The following FOXP1 variants were observed in gnomAD, a reference collection of about 807,000 sequenced individuals.
FOXP1 encodes forkhead box protein P1.
FOXP1 carries 15 observed loss-of-function variants against 98.2 expected under a neutral mutation model. The ratio of observed to expected loss-of-function variants is 0.15; its 90% CI spans 0.10 to 0.24. The LOEUF is 0.24. Ranked by LOEUF, FOXP1 falls within the 10% of genes least tolerant of loss-of-function variation. The pLI, the probability that FOXP1 is intolerant of heterozygous loss-of-function variation, is 1.00. For synonymous variants in FOXP1, 371 were observed against 314.5 expected, an observed-to-expected ratio of 1.18 and a Z score of -1.90; for missense variants, 633 against 848.5, an observed-to-expected ratio of 0.75 and a Z score of 3.15.
chr3:71,416,592 A>ACACG (rs2083242450), intron 3 of FOXP1, among the ~76,000 whole-genome samples: 1 of 144,458 alleles, frequency 6.9e-6, no homozygotes, highest in African/African-American at 2.6e-5. Context: ...ACACACACAC[A>ACACG]CGCAAAAAAA....
intron 3 of FOXP1, among the ~76,000 whole-genome samples, chr3:71,383,729 G>A (rs2080355343): frequency 6.6e-6 from 1 of 152,098 alleles, no homozygotes; most frequent in Non-Finnish European, 1.5e-5. Flanking sequence ...TGGAAGACCA[G>A]GCCCCCTTGA....
chr3:71,153,821 T>C (rs1437413311), intron 6 of FOXP1, among the ~76,000 whole-genome samples: 1 of 152,220 alleles, frequency 6.6e-6, no homozygotes, highest in African/African-American at 2.4e-5. Flanking sequence ...ATGGAATAAA[T>C]GACAGTAAAT....
intron 4 of FOXP1, among the ~76,000 whole-genome samples, chr3:71,313,032 G>A (rs1470738304): frequency 6.8e-6 from 1 of 148,012 alleles, no homozygotes; most frequent in East Asian, 2.0e-4. Flanking sequence ...TTGTACAATT[G>A]CACAATCACA....
At chr3:71,006,062 A>T (rs1427829063) in intron 12 of FOXP1, among the ~76,000 whole-genome samples, 1 of 152,104 alleles carries the variant, frequency 6.6e-6, no homozygotes, top group Non-Finnish European at 1.5e-5. Context: ...CGTGATTTGT[A>T]AAGGGCTGAA....
chr3:71,205,028 A>C (rs1470341263), intron 5 of FOXP1, among the ~76,000 whole-genome samples: 2 of 152,142 alleles, frequency 1.3e-5, no homozygotes, highest in Admixed American at 6.5e-5. Flanking sequence ...GAAAGGCGTA[A>C]ATTTTCTAAA....
chr3:71,481,023 T>A (rs2090232433), intron 3 of FOXP1, among the ~76,000 whole-genome samples: 1 of 152,158 alleles, frequency 6.6e-6, no homozygotes, highest in African/African-American at 2.4e-5. Context: ...TGTCTTTGAA[T>A]GTGCATGACA....
chr3:71,348,534 T>TGTGC (rs1553853198), intron 4 of FOXP1, among the ~76,000 whole-genome samples: 7 of 128,234 alleles, frequency 5.5e-5, no homozygotes, highest in East Asian at 2.3e-4. Context: ...TGTGTGTGTG[T>TGTGC]GTGTGTGTGT....
intron 20 of FOXP1, among the ~76,000 whole-genome samples, chr3:70,960,487 A>G (rs990992975): frequency 6.6e-6 from 1 of 152,250 alleles, no homozygotes; most frequent in Non-Finnish European, 1.5e-5. Context: ...TTCGTAAATC[A>G]TATTTACAAC....
At chr3:71,192,783 G>A (rs1331936475) in intron 6 of FOXP1, among the ~76,000 whole-genome samples, 1 of 152,070 alleles carries the variant, frequency 6.6e-6, no homozygotes, top group African/African-American at 2.4e-5. Flanking sequence ...ATGAGTAGCT[G>A]GGACCACAGG....
At chr3:71,526,835 C>T (rs1056790318) in intron 2 of FOXP1, among the ~76,000 whole-genome samples, 10 of 152,062 alleles carry the variant, frequency 6.6e-5, no homozygotes, top group African/African-American at 1.7e-4. Context: ...GGCGTGGTGG[C>T]GCATGCCTGT....
At chr3:71,527,333 T>C (rs1016366899) in intron 2 of FOXP1, among the ~76,000 whole-genome samples, 1 of 152,148 alleles carries the variant, frequency 6.6e-6, no homozygotes, top group African/African-American at 2.4e-5. Flanking sequence ...GAGTTCAAAA[T>C]CAAGACAGAC....
At chr3:71,218,828 T>C (rs921495640) in intron 5 of FOXP1, among the ~76,000 whole-genome samples, 5 of 152,186 alleles carry the variant, frequency 3.3e-5, no homozygotes, top group Non-Finnish European at 7.3e-5. Context: ...GTCCTTAACG[T>C]TTCTGTGGCT....
At chr3:71,018,841 G>T (rs1399336850) in intron 11 of FOXP1, among the ~76,000 whole-genome samples, 1 of 152,122 alleles carries the variant, frequency 6.6e-6, no homozygotes, top group Non-Finnish European at 1.5e-5. Flanking sequence ...CACATTGTAG[G>T]AACTGTTGCT....
rs375708486 is a variant in FOXP1 at position 71,579,274 on chromosome 3, T to C, written c.-298+2275A>G. ...CACAGTTTATACTCCACGATTTAAA[T>C]ATAAACACAAAATCTTAGACATCTC... is the stretch of plus-strand genomic sequence containing the variant. On this transcript the variant is annotated intron_variant, in intron 2 of 20. Transcript: ENST00000649528. 9.9e-5 allele frequency among the ~76,000 whole-genome samples: 15 copies of C among 152,276 alleles called. No homozygotes were observed. The East Asian group carries it at 2.3e-3, about 23-fold the overall frequency.
At chr3:71,024,247 T>G (rs1414094383) in intron 11 of FOXP1, among the ~76,000 whole-genome samples, 1 of 152,180 alleles carries the variant, frequency 6.6e-6, no homozygotes, top group East Asian at 1.9e-4. Flanking sequence ...AAAATGACCT[T>G]TCTCCTTCAA....
chr3:71,540,653 C>T (rs1437406809), intron 2 of FOXP1, among the ~76,000 whole-genome samples: 2 of 152,206 alleles, frequency 1.3e-5, no homozygotes, highest in Non-Finnish European at 1.5e-5. Flanking sequence ...AGAGCAGGGA[C>T]AACAGAGACC....
At chr3:70,991,246 A>G (rs574479261) in intron 13 of FOXP1, among the ~76,000 whole-genome samples, 79 of 152,236 alleles carry the variant, frequency 5.2e-4, no homozygotes, top group African/African-American at 1.9e-3. Flanking sequence ...CCCACTTCCT[A>G]TCAATTTGTC....
chr3:71,397,103 T>TGTGTATATATATATAC (rs2081579344), intron 3 of FOXP1, among the ~76,000 whole-genome samples: 2 of 70,748 alleles, frequency 2.8e-5, no homozygotes, highest in African/African-American at 9.4e-5. Flanking sequence ...TATATATACA[T>TGTGTATATATATATAC]ATATATATAT....
chr3:70,987,950 CTG>C, intron 14 of FOXP1, 42 bp downstream of exon 14: 1 of 1,569,866 alleles, frequency 6.4e-7, no homozygotes, highest in Non-Finnish European at 8.8e-7. Flanking sequence ...AAAAGGAATA[CTG>C]TGAGTTTTGT....
Sources: allele counts gnomAD v4.1 joint callset (sites outside exome capture counted in the v4.1 genomes callset), GRCh38; gene constraint gnomAD v4.1.1; transcripts MANE v1.5; gene names NCBI Gene and HGNC (gene_info 2026-07-23, HGNC 2026-07-21).